Variants in SNX24 observed in about 807,000 individuals in gnomAD.
SNX24 encodes sorting nexin 24, also known as sorting nexin-24.
In SNX24, 22 loss-of-function variants were observed where a neutral mutation model predicts 28.7. The observed-to-expected ratio is 0.77, with a 90% CI of 0.55 to 1.10. SNX24 has a LOEUF of 1.10. Ranked by LOEUF, SNX24 falls within the 50% of genes least tolerant of loss-of-function variation. The pLI, the probability that SNX24 is intolerant of heterozygous loss-of-function variation, is 0.00. For synonymous variants in SNX24, 69 were observed against 71.5 expected (o/e 0.96, Z 0.18); for missense variants, 221 against 201.1 (o/e 1.10, Z -0.60).
intron 1 of SNX24, among the ~76,000 whole-genome samples, chr5:122,852,078 G>T (rs1334583875): frequency 6.6e-6 from 1 of 150,716 alleles, no homozygotes; most frequent in African/African-American, 2.4e-5. Flanking sequence ...TTATATATGT[G>T]TGTGTGTATA....
In SNX24 at chr5:123,025,365, C is replaced by A. The variant is rs1157643395; in HGVS notation, n.384-3873C>A. On this transcript the variant is annotated intron_variant and non_coding_transcript_variant, in intron 5 of 5. Transcript: ENST00000502387. The stretch of plus-strand genomic sequence containing the variant: ...CTACTTTCTGTTTCTATCAATGTGA[C>A]CACTTTAGATATTTTATATAAATGA... 3.3e-5 allele frequency among the ~76,000 whole-genome samples: 5 copies of A among 152,170 alleles called. No homozygotes were observed. The East Asian group carries it at 9.6e-4, about 29-fold the overall frequency.
chr5:123,005,318 C>T (rs1174493900), intron 6 of SNX24, among the ~76,000 whole-genome samples: 1 of 152,320 alleles, frequency 6.6e-6, no homozygotes, highest in Admixed American at 6.5e-5. Context: ...GCTGTTCCCT[C>T]TGCCAGGAAT....
At chr5:122,941,673 C>G (rs1561631569) in intron 2 of SNX24, among the ~76,000 whole-genome samples, 2 of 152,174 alleles carry the variant, frequency 1.3e-5, no homozygotes, top group African/African-American at 4.8e-5. Context: ...TCTTTCATAT[C>G]TTTCACACTG....
intron 1 of SNX24, among the ~76,000 whole-genome samples, chr5:122,859,140 T>G (rs1201094069): frequency 6.6e-6 from 1 of 152,188 alleles, no homozygotes; most frequent in Admixed American, 6.5e-5. Flanking sequence ...GGCACTTGAA[T>G]AAATGAATGA....
chr5:122,852,086 A>G (rs1440060260), intron 1 of SNX24, among the ~76,000 whole-genome samples: 2 of 150,936 alleles, frequency 1.3e-5, no homozygotes, highest in African/African-American at 2.4e-5. Flanking sequence ...GTGTGTGTGT[A>G]TAAATATATA....
At chr5:122,954,314 G>A (rs892069025) in intron 3 of SNX24, among the ~76,000 whole-genome samples, 2 of 151,844 alleles carry the variant, frequency 1.3e-5, no homozygotes, top group African/African-American at 4.8e-5. Flanking sequence ...ATATATTTAT[G>A]AAGTACATGA....
At chr5:122,870,812 G>C (rs1656712536) in intron 1 of SNX24, among the ~76,000 whole-genome samples, 1 of 152,190 alleles carries the variant, frequency 6.6e-6, no homozygotes, top group Admixed American at 6.5e-5. Context: ...AGAAGGCAGG[G>C]AGTTTGAGAA....
intron 1 of SNX24, among the ~76,000 whole-genome samples, chr5:122,932,984 G>A (rs182377512): frequency 6.6e-6 from 1 of 152,150 alleles, no homozygotes; most frequent in African/African-American, 2.4e-5. Flanking sequence ...CATTAGAGGG[G>A]TGAAATCTGG....
At chr5:122,984,003 G>A (rs1761494163) in intron 3 of SNX24, among the ~76,000 whole-genome samples, 1 of 152,150 alleles carries the variant, frequency 6.6e-6, no homozygotes, top group South Asian at 2.1e-4. Flanking sequence ...TGTAACATCA[G>A]CATCAATGTT....
chr5:123,002,022 C>T lies in SNX24; in HGVS notation c.442+18C>T. On this transcript the variant is annotated intron_variant, in intron 6 of 6. Coordinates refer to ENST00000261369, the MANE Select transcript of SNX24 (RefSeq NM_014035.4). ...AGCCAGCGGTAATCAAACCTGTCAT[C>T]TGCTAACAGCTCTTTACTGATCTGA... 6.3e-7 allele frequency: 1 copy of T among 1,597,458 alleles called. No individual in the cohort carries two copies. Among genetic ancestry groups the T allele is most frequent in the Non-Finnish European group, 8.6e-7 (1 of 1,165,076 alleles).
At chr5:122,915,647 TCATAGTGCA>T (rs1019414065) in intron 1 of SNX24, among the ~76,000 whole-genome samples, 3 of 152,156 alleles carry the variant, frequency 2.0e-5, no homozygotes, top group Admixed American at 2.0e-4. Flanking sequence ...AATTTTTTTT[TCATAGTGCA>T]CATCTGATCA....
intron 3 of SNX24, among the ~76,000 whole-genome samples, chr5:122,968,687 C>T (rs1760820006): frequency 6.6e-6 from 1 of 152,152 alleles, no homozygotes; most frequent in Non-Finnish European, 1.5e-5. Flanking sequence ...CTGTTGAACA[C>T]AAGCAACAGC....
chr5:122,922,465 C>A (rs1450649565), intron 1 of SNX24, among the ~76,000 whole-genome samples: 1 of 151,998 alleles, frequency 6.6e-6, no homozygotes, highest in Non-Finnish European at 1.5e-5. Flanking sequence ...GTTGGCCACG[C>A]TGGTCTCGAA....
chr5:122,889,807 CTT>C (rs1389320550), intron 1 of SNX24, among the ~76,000 whole-genome samples: 1 of 150,398 alleles, frequency 6.6e-6, no homozygotes, highest in Non-Finnish European at 1.5e-5. Context: ...CAAAAAATCT[CTT>C]AACATAATCA....
rs147206141 is a variant in SNX24, at chr5:122,856,561, G to T, written c.60+10868G>T. Among the ~76,000 whole-genome samples, 345 of 150,180 alleles carry T rather than the reference G, an allele frequency of 2.3e-3. 1 individual carries two copies. Among genetic ancestry groups the T allele is most frequent in the African/African-American group, 8.2e-3 (335 of 40,762 alleles). On this transcript the variant is annotated intron_variant, in intron 1 of 6. Transcript: ENST00000261369. ...TTTTTTTTGAGGCAGAGTCATCCAG[G>T]CTGGAGTGCAGTGGTGCCATCTCCG...
At chr5:122,924,695 T>C (rs141577657) in intron 1 of SNX24, among the ~76,000 whole-genome samples, 151 of 152,320 alleles carry the variant, frequency 9.9e-4, no homozygotes, top group African/African-American at 3.4e-3. Flanking sequence ...AAGGGTTTTA[T>C]ATACCTTGTC....
chr5:122,899,680 A>AT (rs1429334747), intron 1 of SNX24, among the ~76,000 whole-genome samples: 20 of 152,108 alleles, frequency 1.3e-4, no homozygotes. Flanking sequence ...AAGTGCTGAA[A>AT]TTACAGGCGC....
chr5:123,023,820 A>G, intron 5 of SNX24: 1 of 1,595,510 alleles, frequency 6.3e-7, no homozygotes, highest in South Asian at 1.1e-5. Flanking sequence ...ACACACACAC[A>G]CACACACACA....
At chr5:122,960,383 T>G (rs2150137912) in intron 3 of SNX24, among the ~76,000 whole-genome samples, 1 of 152,336 alleles carries the variant, frequency 6.6e-6, no homozygotes, top group Admixed American at 6.5e-5. Flanking sequence ...TACAAAATTT[T>G]TAGTCCCTAA....
Sources: allele counts gnomAD v4.1 joint callset (sites outside exome capture counted in the v4.1 genomes callset), GRCh38; gene constraint gnomAD v4.1.1; transcripts MANE v1.5; gene names NCBI Gene and HGNC (gene_info 2026-07-23, HGNC 2026-07-21).